GRM1: variants seen among roughly 807,000 people sequenced by gnomAD.
GRM1 encodes glutamate metabotropic receptor 1, also known as metabotropic glutamate receptor 1.
In GRM1, 33 loss-of-function variants were observed where a neutral mutation model predicts 90.9. That is an observed-to-expected ratio of 0.36 (90% CI 0.28 to 0.49). GRM1 has a LOEUF of 0.49. GRM1 is among the 20% of genes least tolerant of loss of function. The pLI is 0.99. For missense variants in GRM1, 1,190 were observed against 1,534.3 expected (o/e 0.78, Z 3.75); for synonymous variants, 700 against 613.2 (o/e 1.14, Z -2.09).
intron 5 of GRM1, among the ~76,000 whole-genome samples, chr6:146,359,028 A>G (rs1264049764): frequency 6.6e-6 from 1 of 152,200 alleles, no homozygotes; most frequent in Non-Finnish European, 1.5e-5. Flanking sequence ...GAGTTGGTGG[A>G]TCATGGGAAG....
chr6:146,316,974 G>A (rs1403916743), intron 3 of GRM1, among the ~76,000 whole-genome samples: 1 of 152,046 alleles, frequency 6.6e-6, no homozygotes, highest in Non-Finnish European at 1.5e-5. Flanking sequence ...AGTTTATCAG[G>A]CACAACCTGC....
intron 2 of GRM1, among the ~76,000 whole-genome samples, chr6:146,212,241 C>A (rs771538396): frequency 6.6e-6 from 1 of 152,168 alleles, no homozygotes; most frequent in Non-Finnish European, 1.5e-5. Context: ...GGGACTGTAG[C>A]CTAGCTAAGT....
intron 1 of GRM1, among the ~76,000 whole-genome samples, chr6:146,118,676 G>A (rs1775858969): frequency 6.6e-6 from 1 of 152,170 alleles, no homozygotes; most frequent in Non-Finnish European, 1.5e-5. Context: ...CCACCTATGA[G>A]TGAGAACATG....
At chr6:146,123,438 G>A (rs1776077977) in intron 1 of GRM1, among the ~76,000 whole-genome samples, 1 of 152,154 alleles carries the variant, frequency 6.6e-6, no homozygotes. Flanking sequence ...GGATGCAGGG[G>A]CTGCCTCTTC....
intron 2 of GRM1, among the ~76,000 whole-genome samples, chr6:146,167,089 C>T (rs150823083): frequency 3.3e-5 from 5 of 152,080 alleles, no homozygotes; most frequent in East Asian, 3.9e-4. Context: ...CAGGCAACCA[C>T]GGCATTACAC....
At chr6:146,221,648 A>G (rs371502241) in intron 2 of GRM1, among the ~76,000 whole-genome samples, 3 of 152,174 alleles carry the variant, frequency 2.0e-5, no homozygotes, top group African/African-American at 4.8e-5. Context: ...TAGCGCTGCA[A>G]TAAACATATG....
chr6:146,324,650 C>T (rs1202412877), intron 3 of GRM1, among the ~76,000 whole-genome samples: 2 of 151,980 alleles, frequency 1.3e-5, no homozygotes, highest in Non-Finnish European at 2.9e-5. Context: ...GGGTACCATC[C>T]CTCACAGCTT....
intron 2 of GRM1, among the ~76,000 whole-genome samples, chr6:146,242,470 T>C (rs1780899974): frequency 6.6e-6 from 1 of 152,138 alleles, no homozygotes; most frequent in African/African-American, 2.4e-5. Context: ...AATCTTCCTG[T>C]GAATAATTTA....
At chr6:146,390,668 T>TAC (rs1409001762) in intron 6 of GRM1, among the ~76,000 whole-genome samples, 1 of 152,072 alleles carries the variant, frequency 6.6e-6, no homozygotes, top group East Asian at 1.9e-4. Context: ...TGTAACCTCT[T>TAC]ACACTAGTAT....
intron 5 of GRM1, among the ~76,000 whole-genome samples, chr6:146,378,749 T>C (rs566224588): frequency 6.6e-6 from 1 of 152,318 alleles, no homozygotes; most frequent in East Asian, 1.9e-4. Flanking sequence ...GTTAAGACTT[T>C]GTGGGACTGT....
chr6:146,298,797 T>A (rs1783272464), intron 2 of GRM1, among the ~76,000 whole-genome samples: 1 of 152,190 alleles, frequency 6.6e-6, no homozygotes, highest in African/African-American at 2.4e-5. Context: ...GACTCATTAA[T>A]CTAGGTTATC....
intron 2 of GRM1, among the ~76,000 whole-genome samples, chr6:146,174,160 T>C (rs1488865161): frequency 1.3e-5 from 2 of 152,044 alleles, no homozygotes; most frequent in African/African-American, 2.4e-5. Context: ...AAATTCAGTT[T>C]GAGAAATTTT....
At chr6:146,267,678 CTG>C (rs1491288623) in intron 2 of GRM1, among the ~76,000 whole-genome samples, 1,097 of 107,342 alleles carry the variant, frequency 0.01, 29 homozygotes, top group African/African-American at 0.035. Context: ...CTGGGCTGGG[CTG>C]GGCTCGGCTC....
chr6:146,063,637 A>T (rs542892845), intron 1 of GRM1, among the ~76,000 whole-genome samples: 40 of 151,196 alleles, frequency 2.6e-4, no homozygotes, highest in African/African-American at 8.7e-4. Flanking sequence ...TTTTTTCCTT[A>T]TTTAATTCCG....
At chr6:146,419,767 C>A (rs987540691) in intron 7 of GRM1, among the ~76,000 whole-genome samples, 14 of 152,160 alleles carry the variant, frequency 9.2e-5, no homozygotes, top group Non-Finnish European at 1.9e-4. Flanking sequence ...ACAACCAGAT[C>A]TCCTGAGAGC....
At chr6:146,141,315 T>A (rs1021289455) in intron 1 of GRM1, among the ~76,000 whole-genome samples, 2 of 152,072 alleles carry the variant, frequency 1.3e-5, no homozygotes, top group Non-Finnish European at 2.9e-5. Flanking sequence ...CTAAGATTTT[T>A]TTTTTGTCCT....
At chr6:146,176,783 G>A (rs1583116317) in intron 2 of GRM1, among the ~76,000 whole-genome samples, 1 of 151,888 alleles carries the variant, frequency 6.6e-6, no homozygotes, top group Admixed American at 6.6e-5. Flanking sequence ...CTCTAAATAA[G>A]CAATAAATTA....
intron 3 of GRM1, among the ~76,000 whole-genome samples, chr6:146,338,160 T>C (rs1043151449): frequency 6.6e-6 from 1 of 152,198 alleles, no homozygotes; most frequent in African/African-American, 2.4e-5. Context: ...ATTCCTAATC[T>C]CCAACAGGTC....
rs1254034422 is a variant in GRM1, at chr6:146,321,809, T to C, written c.1186+16963T>C. On this transcript the variant is annotated intron_variant, in intron 3 of 7. Transcript: ENST00000282753. The stretch of plus-strand genomic sequence containing the variant: ...ACTCCTGCTCTTTTATTGCTTTCCA[T>C]TTGCTTGGTAAATATTCTTCCATCT... Among the ~76,000 whole-genome samples the C allele has an allele frequency of 2.0e-5, 3 of 152,312 alleles. No homozygotes were observed. The East Asian group carries it at 5.8e-4, about 29-fold the overall frequency.
Sources: allele counts gnomAD v4.1 joint callset (sites outside exome capture counted in the v4.1 genomes callset), GRCh38; gene constraint gnomAD v4.1.1; transcripts MANE v1.5; gene names NCBI Gene and HGNC (gene_info 2026-07-23, HGNC 2026-07-21).